The following PLCE1 variants were observed in gnomAD, a reference collection of about 807,000 sequenced individuals.
The protein encoded by PLCE1 is 1-phosphatidylinositol 4,5-bisphosphate phosphodiesterase epsilon-1.
PLCE1 carries 119 observed loss-of-function variants against 242.8 expected under a neutral mutation model. That is an observed-to-expected ratio of 0.49 (90% CI 0.42 to 0.57). The LOEUF (loss-of-function observed/expected upper bound fraction) is 0.57. Among genes scored for constraint, PLCE1 ranks in the 20% least tolerant of loss-of-function variants. The probability of loss-of-function intolerance (pLI) is 0.00; values close to 1 mark genes in which losing one functional copy is unlikely to be tolerated. For synonymous variants in PLCE1, 945 were observed against 1,017.4 expected (o/e 0.93, Z 1.35); for missense variants, 2,441 against 2,788.8 (o/e 0.88, Z 2.81).
chr10:94,138,124 C>T, intron 3 of PLCE1: 6 of 375,180 alleles, frequency 1.6e-5, no homozygotes, highest in South Asian at 1.2e-4. Flanking sequence ...GGCAGACAGA[C>T]ATCACCATGA....
intron 2 of PLCE1, among the ~76,000 whole-genome samples, chr10:94,034,976 T>A (rs1310696764): frequency 6.6e-6 from 1 of 152,156 alleles, no homozygotes; most frequent in Non-Finnish European, 1.5e-5. Flanking sequence ...TCTATACAGT[T>A]GACCACTCAC....
chr10:94,153,927 AT>A (rs1397792950), intron 3 of PLCE1, among the ~76,000 whole-genome samples: 1 of 152,256 alleles, frequency 6.6e-6, no homozygotes, highest in Non-Finnish European at 1.5e-5. Context: ...AAGATTTAGC[AT>A]TGTTCAAATG....
rs1291407361 is a variant in PLCE1, at chr10:94,158,854, C to CTTAT, written c.1493-12324_1493-12323insATTT. On this transcript the variant is annotated intron_variant, in intron 3 of 32. Coordinates refer to ENST00000371380, the MANE Select transcript of PLCE1 (RefSeq NM_016341.4). ...TATTTTAAATTTTCTTCTTCTTTTT[C>CTTAT]TTTTTTTTTTTTTTTTTTTGAGACG... is the stretch of plus-strand genomic sequence containing the variant. Among the ~76,000 whole-genome samples, 4 of 111,578 alleles carry CTTAT rather than the reference C, an allele frequency of 3.6e-5. No individual in the cohort carries two copies. The East Asian group carries it at 1.1e-3, about 32-fold the overall frequency. The allele number at this position is 111,578 out of a possible 152,430, so 73.2% of individuals were successfully genotyped here. A position where few individuals can be genotyped will look rare whatever the true frequency, so the allele number is the denominator to read the frequency against.
rs774863675 is a variant in PLCE1, at chr10:94,252,336, C to T, written c.3117C>T (p.Gly1039=). The change falls in exon 9 of 33, where the codon GGC becomes GGT. Residue 1039 remains glycine, a synonymous_variant. Coordinates refer to ENST00000371380, the MANE Select transcript of PLCE1 (RefSeq NM_016341.4). ...SLYQEDGRYE[G]PTLAHAVELF... is the part of the protein sequence containing the mutation. ...CACAGGAGGATGGACGGTATGAAGG[C>T]CCAACTTTGGCTCACGCTGTGGAGT... 5.6e-6 allele frequency: 9 copies of T among 1,614,116 alleles called. No homozygotes were observed. The South Asian group carries it at 8.8e-5, about 16-fold the overall frequency.
intron 29 of PLCE1, among the ~76,000 whole-genome samples, chr10:94,320,183 TAAGC>T (rs1206600978): frequency 6.6e-6 from 1 of 152,134 alleles, no homozygotes; most frequent in Non-Finnish European, 1.5e-5. Flanking sequence ...GACATATTAT[TAAGC>T]AAGTTGTAAA....
chr10:94,138,279 T>C, intron 3 of PLCE1: 1 of 343,196 alleles, frequency 2.9e-6, no homozygotes, highest in Non-Finnish European at 5.7e-6. Context: ...ATTGTGCGTA[T>C]TGACCTTCCA....
intron 2 of PLCE1, among the ~76,000 whole-genome samples, chr10:94,050,706 T>TA (rs1491185870): frequency 6.6e-6 from 1 of 151,426 alleles, no homozygotes; most frequent in African/African-American, 2.4e-5. Flanking sequence ...AATAAAAATT[T>TA]AAAAGAAAAC....
intron 1 of PLCE1, among the ~76,000 whole-genome samples, chr10:93,996,380 T>C: frequency 6.6e-6 from 1 of 152,136 alleles, no homozygotes; most frequent in East Asian, 1.9e-4. Context: ...ATTGAGCAAG[T>C]AGGGGTTTGG....
rs2134495528 is a variant in PLCE1 at position 94,031,590 on chromosome 10, A to C, written c.544A>C (p.Ser182Arg). ...IIETGRAHPDSRRAVFHFHYE... is the reference protein window; with the variant it reads ...IIETGRAHPDRRRAVFHFHYE... ...AGAGACAGGCAGAGCACACCCTGAC[A>C]GCAGAAGGGCAGTATTTCATTTTCA... The change falls in exon 2 of 33, where the codon AGC (serine) becomes CGC (arginine). Residue 182 changes from serine (S) to arginine (R), a missense_variant. Transcript: ENST00000371380. The C allele has an allele frequency of 6.2e-7, 1 of 1,612,850 alleles. No individual in the cohort carries two copies. Among genetic ancestry groups the C allele is most frequent in the Non-Finnish European group, 8.5e-7 (1 of 1,179,632 alleles).
At chr10:94,145,505 G>A (rs1188323954) in intron 3 of PLCE1, among the ~76,000 whole-genome samples, 1 of 152,160 alleles carries the variant, frequency 6.6e-6, no homozygotes, top group East Asian at 1.9e-4. Context: ...AGCCACGTGT[G>A]TTTTTCTTTG....
intron 25 of PLCE1, among the ~76,000 whole-genome samples, chr10:94,305,405 A>C (rs2053166979): frequency 6.6e-6 from 1 of 152,266 alleles, no homozygotes; most frequent in Admixed American, 6.5e-5. Flanking sequence ...ACTGCACTCC[A>C]GCCTGTGTGA....
chr10:94,278,894 C>T (rs60342760), intron 19 of PLCE1, among the ~76,000 whole-genome samples: 3,148 of 151,986 alleles, frequency 0.021, 65 homozygotes, highest in African/African-American at 0.059. Flanking sequence ...CATACACATG[C>T]AGAATTATAT....
chr10:94,126,237 A>T (rs2046432659), intron 2 of PLCE1, among the ~76,000 whole-genome samples: 5 of 152,138 alleles, frequency 3.3e-5, no homozygotes, highest in Admixed American at 2.6e-4. Context: ...TAATGGGAGG[A>T]GTGTAATCCC....
chr10:94,073,421 G>A (rs1003205963), intron 2 of PLCE1, among the ~76,000 whole-genome samples: 1 of 152,192 alleles, frequency 6.6e-6, no homozygotes, highest in Non-Finnish European at 1.5e-5. Flanking sequence ...TTCATGGAAA[G>A]TGGGGCTTGA....
intron 2 of PLCE1, among the ~76,000 whole-genome samples, chr10:94,055,072 A>T (rs1398675672): frequency 6.6e-6 from 1 of 151,750 alleles, no homozygotes; most frequent in Non-Finnish European, 1.5e-5. Context: ...GCAAGCCTAA[A>T]TAGATTACAG....
intron 2 of PLCE1, among the ~76,000 whole-genome samples, chr10:94,128,432 A>G (rs1232567589): frequency 1.3e-5 from 2 of 152,102 alleles, no homozygotes; most frequent in African/African-American, 4.8e-5. Flanking sequence ...TCTTGGTAGT[A>G]ATTTTTGATC....
chr10:94,082,355 C>T (rs963185340), intron 2 of PLCE1: 1 of 152,194 alleles, frequency 6.6e-6, no homozygotes, highest in African/African-American at 2.4e-5. Flanking sequence ...CAAAGAAAAC[C>T]TATCCAGCTC....
At chr10:94,199,998 G>C (rs2048943932) in intron 4 of PLCE1, among the ~76,000 whole-genome samples, 1 of 152,178 alleles carries the variant, frequency 6.6e-6, no homozygotes, top group Non-Finnish European at 1.5e-5. Flanking sequence ...TTCCATGTTA[G>C]AAACAAAAAG....
intron 20 of PLCE1, 60 bp downstream of exon 20, chr10:94,279,971 T>C (rs2133256972): frequency 1.3e-6 from 2 of 1,573,722 alleles, no homozygotes; most frequent in Non-Finnish European, 1.7e-6. Context: ...TTGCCACATT[T>C]TTCTTTCTAA....
Sources: gnomAD v4.1 joint callset for allele counts (sites outside exome capture counted in the v4.1 genomes callset) on GRCh38, gnomAD v4.1.1 for gene constraint, MANE v1.5 for transcripts, NCBI Gene and HGNC (gene_info 2026-07-23, HGNC 2026-07-21) for gene names.